Variants in HIBCH observed in about 807,000 individuals in gnomAD.
HIBCH encodes the protein 3-hydroxyisobutyryl-CoA hydrolase, also known as 3-hydroxyisobutyryl-CoA hydrolase, mitochondrial.
HIBCH carries 50 observed loss-of-function variants against 58.2 expected under a neutral mutation model. That is an observed-to-expected ratio of 0.86 (90% CI 0.68 to 1.09). HIBCH has a LOEUF of 1.09. HIBCH is among the 50% of genes least tolerant of loss of function. HIBCH has a pLI of 0.00. For missense variants in HIBCH, 450 were observed against 449.7 expected (o/e 1.00, Z -0.01); for synonymous variants, 151 against 146.9 (o/e 1.03, Z -0.20).
intron 2 of HIBCH, among the ~76,000 whole-genome samples, chr2:190,305,961 C>T (rs2124848561): frequency 6.6e-6 from 1 of 152,272 alleles, no homozygotes; most frequent in East Asian, 1.9e-4. Flanking sequence ...TAGTGTCTAT[C>T]TTTCTCAGGC....
In HIBCH at chr2:190,214,257, C is replaced by T. The variant is rs1690580914; in HGVS notation, c.892-1182G>A. 1 of 152,146 alleles carries T rather than the reference C, an allele frequency of 6.6e-6. No homozygotes were observed. The highest frequency in any genetic ancestry group is 1.5e-5 in the Non-Finnish European group (1 of 68,068). 9.4% of individuals were successfully genotyped at this position (152,146 alleles called of 1,614,324 possible). A position where few individuals can be genotyped will look rare whatever the true frequency, so the allele number is the denominator to read the frequency against. On this transcript the variant is annotated intron_variant, in intron 11 of 13. Transcript: ENST00000359678. This position sits in a 1 kb window ranked among gnomAD's most constrained non-coding sequence, Gnocchi z 5.5. ...TAGGAAAGTTGGATTATCAGTACTGCCTTGGTATTGGGGCATTTTCAGAGA... is the reference window on the plus strand; with the variant it reads ...TAGGAAAGTTGGATTATCAGTACTGTCTTGGTATTGGGGCATTTTCAGAGA...
intron 8 of HIBCH, chr2:190,250,236 A>G: frequency 2.8e-6 from 1 of 356,776 alleles, no homozygotes; most frequent in Non-Finnish European, 5.7e-6. Flanking sequence ...TTACCTGACA[A>G]TACCTTTTCC....
At chr2:190,277,839 T>C (rs980571531) in intron 6 of HIBCH, among the ~76,000 whole-genome samples, 2 of 152,188 alleles carry the variant, frequency 1.3e-5, no homozygotes, top group South Asian at 2.1e-4. Context: ...ATTCAACCTA[T>C]GGAAGCTCAC....
chr2:190,233,158 A>C (rs1188759684), intron 11 of HIBCH, among the ~76,000 whole-genome samples: 1 of 152,096 alleles, frequency 6.6e-6, no homozygotes, highest in Non-Finnish European at 1.5e-5. Flanking sequence ...TTCCTTAAAA[A>C]CTTGGAGGAA....
At chr2:190,269,950 C>T (rs1320223307) in intron 6 of HIBCH, among the ~76,000 whole-genome samples, 1 of 152,106 alleles carries the variant, frequency 6.6e-6, no homozygotes, top group Non-Finnish European at 1.5e-5. Flanking sequence ...TGGAAGCCAT[C>T]ATTCTCAGCA....
intron 11 of HIBCH, among the ~76,000 whole-genome samples, chr2:190,233,109 T>C (rs1453354162): frequency 6.6e-6 from 1 of 152,192 alleles, no homozygotes; most frequent in Non-Finnish European, 1.5e-5. Context: ...CTTCCAATAT[T>C]GTTGAGAAAC....
chr2:190,244,397 A>G (rs1213202371), intron 11 of HIBCH, among the ~76,000 whole-genome samples: 2 of 152,208 alleles, frequency 1.3e-5, no homozygotes, highest in African/African-American at 2.4e-5. Context: ...GAAACACTAC[A>G]TAAGACTCAG....
chr2:190,290,634 C>T lies in HIBCH; in HGVS notation c.305-149G>A, dbSNP rs1025191181. On this transcript the variant is annotated intron_variant, in intron 4 of 13. Coordinates refer to ENST00000359678, the MANE Select transcript of HIBCH (RefSeq NM_014362.4). ...GTTTTGAAGTTGCCCCTGCCACAGA[C>T]ATTATATTATAGTCACAGATCCATA... The T allele has an allele frequency of 7.1e-5, 46 of 651,488 alleles. 1 individual carries two copies. The Admixed American group carries it at 7.8e-4, about 11-fold the overall frequency. 40.4% of individuals were successfully genotyped at this position (651,488 alleles called of 1,614,324 possible).
chr2:190,203,666 G>A (rs888143633), downstream of HIBCH, among the ~76,000 whole-genome samples: 2 of 152,080 alleles, frequency 1.3e-5, no homozygotes, highest in Non-Finnish European at 2.9e-5. Context: ...GAGTATAAAT[G>A]TAAATGTATC....
chr2:190,204,814 C>A lies in HIBCH; in HGVS notation c.*303G>T. 1 of 275,812 alleles carries A rather than the reference C, an allele frequency of 3.6e-6. No individual in the cohort carries two copies. Among genetic ancestry groups the A allele is most frequent in the Non-Finnish European group, 6.9e-6 (1 of 144,932 alleles). The allele number at this position is 275,812 out of a possible 1,614,324, so 17.1% of individuals were successfully genotyped here. A position where few individuals can be genotyped will look rare whatever the true frequency, so the allele number is the denominator to read the frequency against. On this transcript the variant is annotated 3_prime_UTR_variant, in exon 14 of 14. Coordinates refer to ENST00000359678, the MANE Select transcript of HIBCH (RefSeq NM_014362.4). ...TGACAAACTTTTTTCTGACAAAAAC[C>A]AGACAGTAAATAATTAGGCTTTGTA... is the stretch of plus-strand genomic sequence containing the variant.
intron 6 of HIBCH, among the ~76,000 whole-genome samples, chr2:190,265,455 C>CTTTTTT (rs78459121): frequency 7.0e-6 from 1 of 142,020 alleles, no homozygotes; most frequent in Non-Finnish European, 1.5e-5. Flanking sequence ...ATCTTTTGCT[C>CTTTTTT]TTTTTTTTTT....
At chr2:190,247,877 G>A (rs994949037) in intron 9 of HIBCH, among the ~76,000 whole-genome samples, 6 of 152,098 alleles carry the variant, frequency 3.9e-5, no homozygotes, top group Admixed American at 1.3e-4. Flanking sequence ...AATAAGATAC[G>A]TACTTGTGCT....
At chr2:190,271,613 G>C (rs927773436) in intron 6 of HIBCH, among the ~76,000 whole-genome samples, 2 of 151,940 alleles carry the variant, frequency 1.3e-5, no homozygotes, top group Admixed American at 6.6e-5. Flanking sequence ...TAATCACCAT[G>C]ATCTCTCACC....
rs1687716391 is a variant in HIBCH, at chr2:190,281,963, A to G, written c.438+5623T>C. On this transcript the variant is annotated intron_variant, in intron 6 of 13. Coordinates refer to ENST00000359678, the MANE Select transcript of HIBCH (RefSeq NM_014362.4). This position sits in a 1 kb window ranked among gnomAD's most constrained non-coding sequence, Gnocchi z 5.4. Reference sequence around the variant, plus strand: ...CATTTTCATCCGGGTCCTCATCAAAATGGCCATTACTGTCCATATTTCTAT... The same window carrying G: ...CATTTTCATCCGGGTCCTCATCAAAGTGGCCATTACTGTCCATATTTCTAT... 6.6e-6 allele frequency among the ~76,000 whole-genome samples: 1 copy of G among 152,170 alleles called. No individual in the cohort carries two copies. Among genetic ancestry groups the G allele is most frequent in the Non-Finnish European group, 1.5e-5 (1 of 68,044 alleles).
chr2:190,265,903 AC>A (rs1687220798), intron 6 of HIBCH, among the ~76,000 whole-genome samples: 1 of 152,110 alleles, frequency 6.6e-6, no homozygotes, highest in African/African-American at 2.4e-5. Flanking sequence ...CTTTGTCTTT[AC>A]CAACTTATCA....
Position 190,293,654 on chromosome 2 carries a change from C to A in HIBCH, c.304+892G>T, listed in dbSNP as rs546535001. On this transcript the variant is annotated intron_variant, in intron 4 of 13. Coordinates refer to ENST00000359678, the MANE Select transcript of HIBCH (RefSeq NM_014362.4). ...TTCCTGTTCCTAAGGTAATGGTTTA[C>A]GTAAGTTTGGTGAACAAGCCCAAAG... Among the ~76,000 whole-genome samples, 5 of 151,930 alleles carry A rather than the reference C, an allele frequency of 3.3e-5. No individual in the cohort carries two copies. In the East Asian group the frequency reaches 9.7e-4, roughly 29 times the overall value.
intron 11 of HIBCH, 120 bp from the exon 12 acceptor site, chr2:190,213,195 C>G: frequency 1.2e-6 from 1 of 869,028 alleles, no homozygotes; most frequent in South Asian, 1.5e-5. Context: ...AAAGATTATA[C>G]CCTAGCTTAA....
rs1687709553 is a variant in HIBCH, at chr2:190,281,755, A to G, written c.438+5831T>C. ...TTTTTCCCTCTCACAGCTTTATGTAAGCTATTAAAAGTAGCCATGCAGCAG... is the reference window on the plus strand; with the variant it reads ...TTTTTCCCTCTCACAGCTTTATGTAGGCTATTAAAAGTAGCCATGCAGCAG... On this transcript the variant is annotated intron_variant, in intron 6 of 13. Transcript: ENST00000359678. The surrounding 1 kb of genome is among the most constrained non-coding windows in gnomAD (Gnocchi z 5.4). 6.6e-6 allele frequency among the ~76,000 whole-genome samples: 1 copy of G among 152,124 alleles called. No homozygotes were observed. The highest frequency in any genetic ancestry group is 2.4e-5 in the African/African-American group (1 of 41,422).
At chr2:190,238,427 C>A (rs1300725210) in intron 11 of HIBCH, among the ~76,000 whole-genome samples, 5 of 152,014 alleles carry the variant, frequency 3.3e-5, no homozygotes, top group Non-Finnish European at 2.9e-5. Flanking sequence ...TGATCAATGA[C>A]AATAAACTTT....
Sources: gnomAD v4.1 joint callset for allele counts (sites outside exome capture counted in the v4.1 genomes callset) on GRCh38, gnomAD v4.1.1 for gene constraint, Gnocchi (gnomAD v3.1) non-coding constraint, MANE v1.5 for transcripts, NCBI Gene and HGNC (gene_info 2026-07-23, HGNC 2026-07-21) for gene names.